EPHA3: variants seen among roughly 807,000 people sequenced by gnomAD.
The protein encoded by EPHA3 is EPH receptor A3.
EPHA3 carries 42 observed loss-of-function variants against 107.1 expected under a neutral mutation model. That is an observed-to-expected ratio of 0.39 (90% CI 0.31 to 0.51). The LOEUF (loss-of-function observed/expected upper bound fraction) is 0.51, where lower values mean the gene tolerates loss of function less well. EPHA3 is among the 20% of genes least tolerant of loss of function. EPHA3 has a pLI of 0.78. For missense variants in EPHA3, 1,183 were observed against 1,211.2 expected, an observed-to-expected ratio of 0.98 and a Z score of 0.35; for synonymous variants, 461 against 424.8, an observed-to-expected ratio of 1.09 and a Z score of -1.05.
chr3:89,423,635 A>G (rs1239638275), intron 11 of EPHA3, among the ~76,000 whole-genome samples: 2 of 151,362 alleles, frequency 1.3e-5, no homozygotes, highest in East Asian at 3.9e-4. Flanking sequence ...TGTCTAAGTA[A>G]CCACATCAAC....
At chr3:89,244,212 A>C (rs1223343766) in intron 3 of EPHA3, among the ~76,000 whole-genome samples, 2 of 152,176 alleles carry the variant, frequency 1.3e-5, no homozygotes, top group African/African-American at 4.8e-5. Flanking sequence ...TATGAAAATC[A>C]AACAGATTTT....
intron 3 of EPHA3, among the ~76,000 whole-genome samples, chr3:89,223,370 T>C (rs1356427265): frequency 6.6e-6 from 1 of 152,158 alleles, no homozygotes; most frequent in African/African-American, 2.4e-5. Context: ...AATGAGAAAA[T>C]GCATTGGCTT....
At chr3:89,429,062 C>A in intron 11 of EPHA3, 44 bp from the exon 12 acceptor site, 2 of 1,348,716 alleles carry the variant, frequency 1.5e-6, no homozygotes, top group Admixed American at 1.7e-5. Context: ...TTGTATAATA[C>A]TTGAACTGTA....
chr3:89,232,259 CA>C (rs1271210506), intron 3 of EPHA3, among the ~76,000 whole-genome samples: 1 of 151,806 alleles, frequency 6.6e-6, no homozygotes, highest in Admixed American at 6.6e-5. Context: ...GAATGAAGAG[CA>C]AAAAAATTGG....
intron 3 of EPHA3, among the ~76,000 whole-genome samples, chr3:89,317,364 A>G (rs529905889): frequency 6.6e-6 from 1 of 151,860 alleles, no homozygotes; most frequent in African/African-American, 2.4e-5. Context: ...TCAGATCTGG[A>G]TGTGTTTAAA....
chr3:89,250,494 G>A (rs572677602), intron 3 of EPHA3, among the ~76,000 whole-genome samples: 2 of 152,136 alleles, frequency 1.3e-5, no homozygotes, highest in African/African-American at 2.4e-5. Flanking sequence ...TGTTGTTCTA[G>A]TCATGTTACT....
intron 3 of EPHA3, among the ~76,000 whole-genome samples, chr3:89,240,170 C>T (rs1444187700): frequency 6.6e-6 from 1 of 152,168 alleles, no homozygotes; most frequent in Non-Finnish European, 1.5e-5. Flanking sequence ...TATGGCATTA[C>T]TAGAAAATAT....
chr3:89,274,477 A>G (rs76168027), intron 3 of EPHA3, among the ~76,000 whole-genome samples: 4,934 of 152,116 alleles, frequency 0.032, 102 homozygotes, highest in East Asian at 0.047. Context: ...AAGTGTAATC[A>G]TTAGACTTTG....
intron 6 of EPHA3, among the ~76,000 whole-genome samples, chr3:89,397,971 G>A (rs879586188): frequency 2.0e-5 from 3 of 152,008 alleles, no homozygotes; most frequent in Non-Finnish European, 4.4e-5. Flanking sequence ...ATACATACCT[G>A]TAATATTATT....
rs772463834 is a variant in EPHA3 at position 89,342,018 on chromosome 3, G to A, written c.1234G>A (p.Val412Ile). ...HTNYTFEIDA[V>I]NGVSELSSPP... ...TAACTACACCTTTGAGATTGATGCC[G>A]TTAATGGGGTGTCAGAGCTGAGCTC... is the stretch of plus-strand genomic sequence containing the variant. The change falls in exon 5 of 17, where the codon GTT becomes ATT. Residue 412 changes from valine (V) to isoleucine (I), a missense_variant. Transcript: ENST00000336596. 3.9e-5 allele frequency: 63 copies of A among 1,612,242 alleles called. 1 individual carries two copies. In the Middle Eastern group the frequency reaches 1.3e-3, roughly 34 times the overall value.
chr3:89,184,201 T>C (rs1705508860), intron 2 of EPHA3, among the ~76,000 whole-genome samples: 1 of 152,018 alleles, frequency 6.6e-6, no homozygotes, highest in Admixed American at 6.6e-5. Flanking sequence ...CCAGTTCCCC[T>C]AAGGGAAAAT....
At chr3:89,391,829 C>T (rs1376696804) in intron 5 of EPHA3, among the ~76,000 whole-genome samples, 3 of 151,958 alleles carry the variant, frequency 2.0e-5, no homozygotes, top group African/African-American at 4.8e-5. Flanking sequence ...TTACAAAGGG[C>T]ACATATATCA....
At chr3:89,183,204 A>G (rs562440127) in intron 2 of EPHA3, among the ~76,000 whole-genome samples, 2 of 152,144 alleles carry the variant, frequency 1.3e-5, no homozygotes, top group South Asian at 4.1e-4. Flanking sequence ...TTAAATTTCT[A>G]CATGTACCTT....
chr3:89,193,573 A>G (rs553605422), intron 2 of EPHA3, among the ~76,000 whole-genome samples: 1 of 152,114 alleles, frequency 6.6e-6, no homozygotes, highest in South Asian at 2.1e-4. Context: ...AATAACTAGA[A>G]GGAGGATATT....
At chr3:89,260,244 T>C (rs150663197) in intron 3 of EPHA3, among the ~76,000 whole-genome samples, 9 of 152,362 alleles carry the variant, frequency 5.9e-5, no homozygotes, top group African/African-American at 2.2e-4. Flanking sequence ...TTAATTTCTG[T>C]GGAACCTCCA....
intron 3 of EPHA3, among the ~76,000 whole-genome samples, chr3:89,307,362 C>G (rs990594085): frequency 1.3e-5 from 2 of 151,994 alleles, no homozygotes; most frequent in Non-Finnish European, 2.9e-5. Flanking sequence ...TAAATCAAAA[C>G]CCATGAAATA....
intron 15 of EPHA3, among the ~76,000 whole-genome samples, chr3:89,457,703 C>G (rs1032117304): frequency 1.4e-4 from 21 of 152,150 alleles, no homozygotes; most frequent in Admixed American, 1.1e-3. Flanking sequence ...AGGGGAGACA[C>G]TGAAGTTACT....
intron 2 of EPHA3, among the ~76,000 whole-genome samples, chr3:89,133,748 C>A (rs1704253792): frequency 6.6e-6 from 1 of 152,156 alleles, no homozygotes; most frequent in Non-Finnish European, 1.5e-5. Context: ...GTTTTCGATG[C>A]CTCTCATCAA....
intron 10 of EPHA3, among the ~76,000 whole-genome samples, chr3:89,415,991 CAAGAT>C (rs1166037471): frequency 4.0e-5 from 6 of 151,228 alleles, no homozygotes; most frequent in Non-Finnish European, 8.9e-5. Flanking sequence ...GAGGATTAAA[CAAGAT>C]AAGTTGTGCA....
Sources: gnomAD v4.1 joint callset for allele counts (sites outside exome capture counted in the v4.1 genomes callset) on GRCh38, gnomAD v4.1.1 for gene constraint, MANE v1.5 for transcripts, NCBI Gene and HGNC (gene_info 2026-07-23, HGNC 2026-07-21) for gene names.